The following MARCHF4 variants were observed in gnomAD, a reference collection of about 807,000 sequenced individuals.
MARCHF4 encodes the protein E3 ubiquitin-protein ligase MARCHF4.
MARCHF4 carries 14 observed loss-of-function variants against 43.9 expected under a neutral mutation model. That is an observed-to-expected ratio of 0.32 (90% confidence interval 0.21 to 0.50). MARCHF4 has a LOEUF of 0.50. Among genes scored for constraint, MARCHF4 ranks in the 20% least tolerant of loss-of-function variants. MARCHF4 has a pLI of 0.98. For missense variants in MARCHF4, 468 were observed against 536.7 expected (o/e 0.87, Z 1.27); for synonymous variants, 226 against 213.3 (o/e 1.06, Z -0.52).
At chr2:216,314,955 G>A (rs1195972250) in intron 1 of MARCHF4, among the ~76,000 whole-genome samples, 1 of 152,096 alleles carries the variant, frequency 6.6e-6, no homozygotes, top group Non-Finnish European at 1.5e-5. Flanking sequence ...GTAGTCAGAC[G>A]ACATCAGAAT....
chr2:216,369,956 G>A lies in MARCHF4; in HGVS notation c.305C>T (p.Pro102Leu), dbSNP rs1423100144. The A allele has an allele frequency of 3.8e-6, 6 of 1,583,808 alleles. No individual in the cohort carries two copies. The highest frequency in any genetic ancestry group is 3.6e-4 in the Middle Eastern group (2 of 5,606). The change falls in exon 1 of 4, where the codon CCT (proline) becomes CTT (leucine). Residue 102 changes from proline to leucine, a missense_variant. Pro to Leu is a moderately conservative substitution (Grantham distance 98). Around this residue, in one of 3 missense-constraint regions of MARCHF4, gnomAD observed 190 missense variants for 158.5 expected, o/e 1.20. Coordinates refer to ENST00000273067, the MANE Select transcript of MARCHF4 (RefSeq NM_020814.3). ...GPREVVGREPPPVPPPPPLPP... is the reference protein window; with the variant it reads ...GPREVVGREPLPVPPPPPLPP... ...CAAGGGGGGTGGAGGTGGCACAGGAGGGGGCTCCCTGCCCACCACTTCTCG... is the reference window on the plus strand; with the variant it reads ...CAAGGGGGGTGGAGGTGGCACAGGAAGGGGCTCCCTGCCCACCACTTCTCG...
At chr2:216,358,873 G>A (rs1692538124) in intron 1 of MARCHF4, among the ~76,000 whole-genome samples, 2 of 152,338 alleles carry the variant, frequency 1.3e-5, no homozygotes, top group Middle Eastern at 3.4e-3. Context: ...TCATTGTTGG[G>A]ACTTAGTGAG....
chr2:216,312,470 T>G (rs1415670491), intron 1 of MARCHF4, among the ~76,000 whole-genome samples: 1 of 152,206 alleles, frequency 6.6e-6, no homozygotes, highest in Non-Finnish European at 1.5e-5. Flanking sequence ...TTTGGGTAGA[T>G]ACACAGTGTG....
chr2:216,270,401 A>T (rs536644914), intron 3 of MARCHF4, among the ~76,000 whole-genome samples: 1 of 151,992 alleles, frequency 6.6e-6, no homozygotes, highest in African/African-American at 2.4e-5. Flanking sequence ...ACCCTCTTTT[A>T]TCACCCGCCC....
intron 3 of MARCHF4, among the ~76,000 whole-genome samples, chr2:216,277,340 G>C (rs1451752871): frequency 6.6e-6 from 1 of 152,198 alleles, no homozygotes; most frequent in Non-Finnish European, 1.5e-5. Flanking sequence ...GCAGTATAGG[G>C]TGCACAGTGG....
At chr2:216,354,955 CTT>C (rs1185679160) in intron 1 of MARCHF4, among the ~76,000 whole-genome samples, 3 of 138,778 alleles carry the variant, frequency 2.2e-5, no homozygotes, top group African/African-American at 8.5e-5. Context: ...TTCTTTCTTT[CTT>C]TCTTTCTTTC....
intron 1 of MARCHF4, chr2:216,303,723 C>T (rs749322384): frequency 3.3e-5 from 5 of 152,078 alleles, no homozygotes; most frequent in Non-Finnish European, 4.4e-5. Context: ...TTCCTCTTGC[C>T]AAGTGAGCTG....
At chr2:216,291,392 G>A (rs894399024) in intron 1 of MARCHF4, among the ~76,000 whole-genome samples, 4 of 152,186 alleles carry the variant, frequency 2.6e-5, no homozygotes, top group African/African-American at 4.8e-5. Context: ...AGATTGGCGG[G>A]GGAGGTCCTG....
intron 3 of MARCHF4, among the ~76,000 whole-genome samples, chr2:216,269,321 C>A (rs1016869337): frequency 1.3e-5 from 2 of 152,142 alleles, no homozygotes; most frequent in African/African-American, 4.8e-5. Flanking sequence ...GCAGAGAATA[C>A]CCCATTTGTT....
chr2:216,259,981 A>G (rs566449951), intron 3 of MARCHF4, among the ~76,000 whole-genome samples: 1 of 152,324 alleles, frequency 6.6e-6, no homozygotes, highest in East Asian at 1.9e-4. Context: ...GCATAATATA[A>G]ATATCTTTTC....
rs143338970 is a variant in MARCHF4, at chr2:216,259,491, C to T, written c.1054G>A (p.Ala352Thr). 1.8e-5 allele frequency: 29 copies of T among 1,614,056 alleles called. No homozygotes were observed. In the South Asian group the frequency reaches 2.4e-4, roughly 13 times the overall value. Reference protein sequence around the residue: ...ANIPSSEEETAGTPAPEQGPA... With the variant: ...ANIPSSEEETTGTPAPEQGPA... Reference sequence around the variant, plus strand: ...CCCTGCTCAGGGGCAGGGGTGCCTGCGGTCTCCTCTTCCGAGGAGGGGATA... The same window carrying T: ...CCCTGCTCAGGGGCAGGGGTGCCTGTGGTCTCCTCTTCCGAGGAGGGGATA... The change falls in exon 4 of 4, where the codon GCA becomes ACA. Residue 352 changes from alanine to threonine, a missense_variant. Physicochemically the swap from Ala to Thr is moderately conservative, Grantham distance 58. Around this residue, in one of 3 missense-constraint regions of MARCHF4, gnomAD observed 120 missense variants for 127.1 expected, o/e 0.94. Coordinates refer to ENST00000273067, the MANE Select transcript of MARCHF4 (RefSeq NM_020814.3).
chr2:216,293,890 A>C (rs76216203), intron 1 of MARCHF4, among the ~76,000 whole-genome samples: 1 of 129,842 alleles, frequency 7.7e-6, no homozygotes, highest in African/African-American at 2.5e-5. Context: ...GTCACGTTTA[A>C]TGTGTACATT....
intron 3 of MARCHF4, among the ~76,000 whole-genome samples, chr2:216,260,011 A>C (rs1011041663): frequency 2.0e-5 from 3 of 152,220 alleles, no homozygotes; most frequent in Non-Finnish European, 4.4e-5. Context: ...TTATGTATCC[A>C]TGGCACCCAG....
intron 3 of MARCHF4, among the ~76,000 whole-genome samples, chr2:216,267,532 T>C (rs1211751945): frequency 3.3e-5 from 5 of 152,198 alleles, no homozygotes; most frequent in Non-Finnish European, 7.3e-5. Flanking sequence ...CTCCTACTGC[T>C]CAGGAACTTC....
At chr2:216,277,546 G>T in intron 3 of MARCHF4, 126 bp downstream of exon 3, 1 of 976,366 alleles carries the variant, frequency 1.0e-6, no homozygotes, top group Non-Finnish European at 1.5e-6. Flanking sequence ...CCTCTCCTGA[G>T]CTCCCAGTTC....
At chr2:216,271,116 G>C (rs207875) in intron 3 of MARCHF4, among the ~76,000 whole-genome samples, 89,489 of 152,024 alleles carry the variant, frequency 0.59, 29,781 homozygotes, top group Non-Finnish European at 0.76. Flanking sequence ...CCACCAGTGG[G>C]GTCAAATCTG....
At chr2:216,273,888 T>C (rs1260421735) in intron 3 of MARCHF4, among the ~76,000 whole-genome samples, 1 of 152,216 alleles carries the variant, frequency 6.6e-6, no homozygotes, top group Non-Finnish European at 1.5e-5. Flanking sequence ...TCCAGGTTCA[T>C]GGGTGGAGGC....
chr2:216,289,514 C>T (rs755517305), intron 1 of MARCHF4, among the ~76,000 whole-genome samples: 3 of 152,176 alleles, frequency 2.0e-5, no homozygotes, highest in South Asian at 4.1e-4. Flanking sequence ...CCAACACTGC[C>T]AATAACACAG....
intron 1 of MARCHF4, among the ~76,000 whole-genome samples, chr2:216,326,967 AAAATAAAT>A (rs144064953): frequency 0.021 from 3,269 of 152,182 alleles, 112 homozygotes; most frequent in African/African-American, 0.074. Flanking sequence ...ATAATAATAA[AAAATAAAT>A]AAATAAATAA....
Sources: allele counts gnomAD v4.1 joint callset (sites outside exome capture counted in the v4.1 genomes callset), GRCh38; gene constraint gnomAD v4.1.1; regional missense constraint gnomAD v4.1.1; transcripts MANE v1.5; gene names NCBI Gene and HGNC (gene_info 2026-07-23, HGNC 2026-07-21).